The following TSPEAR variants were observed in gnomAD, a reference collection of about 807,000 sequenced individuals.
TSPEAR encodes thrombospondin type laminin G domain and EAR repeats.
Under a neutral mutation model 71.6 loss-of-function variants are expected in TSPEAR, and 69 were observed. The observed-to-expected ratio is 0.96, with a 90% CI of 0.79 to 1.18. The LOEUF is 1.18. TSPEAR is among the 50% of genes most tolerant of loss of function. The probability of loss-of-function intolerance (pLI) is 0.00; values close to 1 mark genes in which losing one functional copy is unlikely to be tolerated. For synonymous variants in TSPEAR, 402 were observed against 387.2 expected (o/e 1.04, Z -0.45); for missense variants, 971 against 894.9 (o/e 1.09, Z -1.09).
intron 1 of TSPEAR, among the ~76,000 whole-genome samples, chr21:44,696,948 C>T (rs1555950607): frequency 6.6e-6 from 1 of 152,150 alleles, no homozygotes; most frequent in African/African-American, 2.4e-5. Flanking sequence ...TGGGACAACA[C>T]ACACACCCTT....
rs1265359345 is a variant in TSPEAR at position 44,506,581 on chromosome 21, G to A, written c.1755-1700C>T. On this transcript the variant is annotated intron_variant, in intron 10 of 11. Transcript: ENST00000323084. This position sits in a 1 kb window ranked among gnomAD's most constrained non-coding sequence, Gnocchi z 4.2. ...GGGGCCTTGGGCTCCTCACTCCTTC[G>A]GTCAGTCAGGGTGACATCTGGAGCC... Among the ~76,000 whole-genome samples, 3 of 152,330 alleles carry A rather than the reference G, an allele frequency of 2.0e-5. No homozygotes were observed. The highest frequency in any genetic ancestry group is 1.9e-4 in the East Asian group (1 of 5,182).
intron 2 of TSPEAR, chr21:44,540,302 C>G: frequency 1.6e-6 from 2 of 1,285,890 alleles, no homozygotes; most frequent in Non-Finnish European, 2.1e-6. Context: ...CCAGGGCCCA[C>G]AGCGTCCCCT....
chr21:44,643,850 G>A (rs77871171), intron 1 of TSPEAR, among the ~76,000 whole-genome samples: 24,054 of 152,282 alleles, frequency 0.16, 2,123 homozygotes, highest in Non-Finnish European at 0.2. Context: ...GGCTTAGTGC[G>A]GAGTTGCGGG....
chr21:44,571,830 C>T (rs939416846), intron 1 of TSPEAR, among the ~76,000 whole-genome samples: 1 of 152,258 alleles, frequency 6.6e-6, no homozygotes, highest in Non-Finnish European at 1.5e-5. Flanking sequence ...AGCAAATAGA[C>T]ACACAGAAGA....
At chr21:44,591,514 C>T in intron 1 of TSPEAR, 1 of 1,612,630 alleles carries the variant, frequency 6.2e-7, no homozygotes, top group African/African-American at 1.3e-5. Context: ...GGCAGAGGCA[C>T]CACAGGAGGG....
At chr21:44,596,978 A>C (rs1980405978) in intron 1 of TSPEAR, among the ~76,000 whole-genome samples, 1 of 152,136 alleles carries the variant, frequency 6.6e-6, no homozygotes, top group South Asian at 2.1e-4. Context: ...CAATTTAAAA[A>C]TTTTTACATA....
Position 44,703,654 on chromosome 21 carries a change from T to C in TSPEAR, c.82+7779A>G, listed in dbSNP as rs2146333119. ...TTGTGAAGGCTAATGGCAACACCTC[T>C]TCTGTGGCCCCAGGTCTAGCCGGGC... On this transcript the variant is annotated intron_variant, in intron 1 of 11. Coordinates refer to ENST00000323084, the MANE Select transcript of TSPEAR (RefSeq NM_144991.3). Among the ~76,000 whole-genome samples the C allele has an allele frequency of 1.3e-5, 2 of 152,300 alleles. 1 individual carries two copies. Among genetic ancestry groups the C allele is most frequent in the South Asian group, 4.1e-4 (2 of 4,826 alleles).
rs587647347 is a variant in TSPEAR at position 44,665,801 on chromosome 21, T to C, written c.82+45632A>G. Among the ~76,000 whole-genome samples the C allele has an allele frequency of 2.1e-4, 32 of 152,232 alleles. No individual in the cohort carries two copies. The South Asian group carries it at 2.9e-3, about 14-fold the overall frequency. The stretch of plus-strand genomic sequence containing the variant: ...ATGGGAGTGTGTGCCGCAGAACTAA[T>C]CCAGTTCTGTAAACTTGAGATCCTC... On this transcript the variant is annotated intron_variant, in intron 1 of 11. Transcript: ENST00000323084.
intron 1 of TSPEAR, among the ~76,000 whole-genome samples, chr21:44,618,228 T>C (rs1482451289): frequency 1.3e-5 from 2 of 152,176 alleles, no homozygotes; most frequent in Admixed American, 6.5e-5. Flanking sequence ...ATCTGACAGT[T>C]TTATAAAGCA....
intron 1 of TSPEAR, chr21:44,601,146 G>C: frequency 1.3e-6 from 2 of 1,598,042 alleles, no homozygotes; most frequent in South Asian, 2.2e-5. Flanking sequence ...GCTGCCAGCA[G>C]TCTAGCTGTG....
At position 44,675,836 on chromosome 21, in the gene TSPEAR, G is replaced by A. The variant is rs1223867074; in HGVS notation, c.82+35597C>T. The A allele has an allele frequency of 9.8e-6, 6 of 613,340 alleles. No individual in the cohort carries two copies. The East Asian group carries it at 1.4e-4, about 14-fold the overall frequency. 38.0% of individuals were successfully genotyped at this position (613,340 alleles called of 1,614,324 possible). A position where few individuals can be genotyped will look rare whatever the true frequency, so the allele number is the denominator to read the frequency against. On this transcript the variant is annotated intron_variant, in intron 1 of 11. Coordinates refer to ENST00000323084, the MANE Select transcript of TSPEAR (RefSeq NM_144991.3). ...GTATCACTGCTGATTTCCTTGACAT[G>A]AAATACGACTTTACGAAAATCTTCC...
chr21:44,656,500 T>C lies in TSPEAR; in HGVS notation c.82+54933A>G, dbSNP rs587627318. 8.5e-5 allele frequency among the ~76,000 whole-genome samples: 13 copies of C among 152,342 alleles called. No individual in the cohort carries two copies. In the South Asian group the frequency reaches 2.1e-3, roughly 24 times the overall value. ...ATTTTAAAGAAGTTGTTCCATTGTC[T>C]TCTGGCCTCCACTGTTTTTGCTGAG... On this transcript the variant is annotated intron_variant, in intron 1 of 11. Coordinates refer to ENST00000323084, the MANE Select transcript of TSPEAR (RefSeq NM_144991.3).
At chr21:44,596,781 A>G (rs75538531) in intron 1 of TSPEAR, among the ~76,000 whole-genome samples, 1,714 of 152,304 alleles carry the variant, frequency 0.011, 34 homozygotes, top group African/African-American at 0.039. Context: ...TTTAAGAACC[A>G]TGTATATTTC....
At chr21:44,517,711 G>A (rs587706796) in intron 9 of TSPEAR, 34 of 468,594 alleles carry the variant, frequency 7.3e-5, no homozygotes, top group East Asian at 2.1e-4. Flanking sequence ...AGTGGCCAGC[G>A]TCCTTGTCCT....
At chr21:44,599,170 C>CAA (rs1555928002) in intron 1 of TSPEAR, among the ~76,000 whole-genome samples, 1 of 124,478 alleles carries the variant, frequency 8.0e-6, no homozygotes, top group African/African-American at 3.6e-5. Flanking sequence ...CTCTCTCTCT[C>CAA]TCCTTCCATC....
intron 1 of TSPEAR, among the ~76,000 whole-genome samples, chr21:44,692,522 C>G (rs1051089294): frequency 6.6e-6 from 1 of 152,056 alleles, no homozygotes; most frequent in Non-Finnish European, 1.5e-5. Context: ...TTTCAGGGTA[C>G]AAGATCAACA....
At chr21:44,679,900 A>G (rs1986498340) in intron 1 of TSPEAR, among the ~76,000 whole-genome samples, 2 of 152,248 alleles carry the variant, frequency 1.3e-5, no homozygotes, top group East Asian at 3.8e-4. Flanking sequence ...GATGTATCAA[A>G]GCCTTAAACA....
intron 1 of TSPEAR, among the ~76,000 whole-genome samples, chr21:44,604,000 G>T (rs587721858): frequency 3.3e-5 from 5 of 152,226 alleles, no homozygotes; most frequent in Non-Finnish European, 5.9e-5. Flanking sequence ...TCCTGGGCAC[G>T]TGGGCTGGCA....
intron 1 of TSPEAR, among the ~76,000 whole-genome samples, chr21:44,610,050 G>A (rs1400526324): frequency 6.6e-6 from 1 of 152,172 alleles, no homozygotes; most frequent in Non-Finnish European, 1.5e-5. Context: ...CCTTGGGAGG[G>A]ATGCATGCCA....
Sources: allele counts gnomAD v4.1 joint callset (sites outside exome capture counted in the v4.1 genomes callset), GRCh38; gene constraint gnomAD v4.1.1; non-coding constraint Gnocchi (gnomAD v3.1); transcripts MANE v1.5; gene names NCBI Gene and HGNC (gene_info 2026-07-23, HGNC 2026-07-21).